Variants in C2orf66 observed in about 807,000 individuals in gnomAD.
C2orf66 encodes uncharacterized protein C2orf66.
C2orf66 carries 6 observed loss-of-function variants against 7.0 expected under a neutral mutation model. The observed-to-expected ratio is 0.86, with a 90% confidence interval of 0.47 to 1.69. The LOEUF is 1.69. C2orf66 is among the 40% of genes most tolerant of loss of function. The pLI, the probability that C2orf66 is intolerant of heterozygous loss-of-function variation, is 0.01. For missense variants in C2orf66, 107 were observed against 112.0 expected (o/e 0.96, Z 0.20); for synonymous variants, 38 against 43.8 (o/e 0.87, Z 0.52).
chr2:196,806,399 G>A lies in C2orf66; in HGVS notation c.*20-991C>T, dbSNP rs57132409. Reference sequence around the variant, plus strand: ...TTTTTAGTAGAGATGGGGTTTCACCGTGTTAGCCAGGACGGTCTCGATTTC... The same window carrying A: ...TTTTTAGTAGAGATGGGGTTTCACCATGTTAGCCAGGACGGTCTCGATTTC... On this transcript the variant is annotated intron_variant, in intron 2 of 2. Transcript: ENST00000342506. 2.7e-3 allele frequency among the ~76,000 whole-genome samples: 407 copies of A among 151,762 alleles called. 3 individuals are homozygous for A. The highest frequency in any genetic ancestry group is 9.3e-3 in the African/African-American group (385 of 41,442).
At chr2:196,823,434 G>A in the C2orf66 span, among the ~76,000 whole-genome samples, 121 of 152,060 alleles carry the variant, frequency 8.0e-4, no homozygotes, top group Non-Finnish European at 7.4e-4. Context: ...ACCAGCTTGG[G>A]CAACATGGCC....
the C2orf66 span, among the ~76,000 whole-genome samples, chr2:196,819,629 G>GCT: frequency 6.6e-6 from 1 of 152,162 alleles, no homozygotes; most frequent in Non-Finnish European, 1.5e-5. Context: ...TTCACAAGGT[G>GCT]CTCTCTTGAA....
At chr2:196,819,955 T>C in the C2orf66 span, among the ~76,000 whole-genome samples, 2 of 152,206 alleles carry the variant, frequency 1.3e-5, no homozygotes, top group African/African-American at 2.4e-5. Context: ...ATCTATCTCT[T>C]GCACACAAAC....
chr2:196,814,336 A>G (rs901478583), upstream of C2orf66, among the ~76,000 whole-genome samples: 2 of 152,106 alleles, frequency 1.3e-5, no homozygotes, highest in Non-Finnish European at 2.9e-5. Flanking sequence ...AAAACCAAAC[A>G]CTGCATGTTC....
the C2orf66 span, among the ~76,000 whole-genome samples, chr2:196,815,228 C>G: frequency 6.6e-6 from 1 of 152,010 alleles, no homozygotes; most frequent in Non-Finnish European, 1.5e-5. Context: ...CTGAGCCTCC[C>G]AAAGTTCTGG....
chr2:196,808,532 G>T (rs1394992434), intron 1 of C2orf66, among the ~76,000 whole-genome samples: 1 of 152,188 alleles, frequency 6.6e-6, no homozygotes, highest in Non-Finnish European at 1.5e-5. Flanking sequence ...GTCTGGACCA[G>T]ATCCTGTTTT....
chr2:196,809,736 TA>T (rs1326633583), upstream of C2orf66: 1 of 164,556 alleles, frequency 6.1e-6, no homozygotes, highest in Admixed American at 6.1e-5. Flanking sequence ...CAGCAGTCTT[TA>T]AAAAAAAGAA....
At chr2:196,816,321 T>A in the C2orf66 span, among the ~76,000 whole-genome samples, 1 of 152,192 alleles carries the variant, frequency 6.6e-6, no homozygotes, top group Non-Finnish European at 1.5e-5. Context: ...TCAAACGACG[T>A]TGGTTAAAAA....
the C2orf66 span, among the ~76,000 whole-genome samples, chr2:196,831,531 G>C: frequency 1.3e-5 from 2 of 152,048 alleles, no homozygotes; most frequent in Non-Finnish European, 2.9e-5. Flanking sequence ...CTCTTGGCCG[G>C]AATACCACTC....
At chr2:196,814,130 T>C (rs373425405), upstream of C2orf66, among the ~76,000 whole-genome samples, 58 of 152,300 alleles carry the variant, frequency 3.8e-4, no homozygotes, top group African/African-American at 1.3e-3. Context: ...CACATATGTC[T>C]ATTGCAGCAC....
chr2:196,812,951 A>C (rs959875312), upstream of C2orf66, among the ~76,000 whole-genome samples: 2 of 152,226 alleles, frequency 1.3e-5, no homozygotes, highest in African/African-American at 2.4e-5. Context: ...AAATGGAAAA[A>C]CATTCCATGC....
At chr2:196,819,869 G>C in the C2orf66 span, among the ~76,000 whole-genome samples, 1 of 152,196 alleles carries the variant, frequency 6.6e-6, no homozygotes. Flanking sequence ...GGAGGGGAGA[G>C]ATAATTGTAG....
chr2:196,806,898 T>A (rs1699826097), intron 2 of C2orf66, among the ~76,000 whole-genome samples: 1 of 152,166 alleles, frequency 6.6e-6, no homozygotes, highest in African/African-American at 2.4e-5. Flanking sequence ...CTTAATAAAT[T>A]TTTAATTTTT....
chr2:196,817,539 G>T, the C2orf66 span, among the ~76,000 whole-genome samples: 7 of 152,020 alleles, frequency 4.6e-5, no homozygotes, highest in African/African-American at 1.7e-4. Context: ...CTGGCCGCAC[G>T]TATTGTCTTG....
chr2:196,822,378 C>T, the C2orf66 span, among the ~76,000 whole-genome samples: 27 of 152,166 alleles, frequency 1.8e-4, no homozygotes, highest in South Asian at 5.0e-3. Flanking sequence ...AATAAGCAAA[C>T]GTTTATACTC....
At chr2:196,828,403 A>T in the C2orf66 span, among the ~76,000 whole-genome samples, 3 of 152,136 alleles carry the variant, frequency 2.0e-5, no homozygotes, top group African/African-American at 7.2e-5. Context: ...AAACTATGGA[A>T]TATTAAGTAT....
At chr2:196,814,535 A>G in the C2orf66 span, among the ~76,000 whole-genome samples, 1 of 152,180 alleles carries the variant, frequency 6.6e-6, no homozygotes, top group Non-Finnish European at 1.5e-5. Context: ...ACAAACCTGC[A>G]TGTTCTGCAC....
the C2orf66 span, among the ~76,000 whole-genome samples, chr2:196,824,850 A>C: frequency 6.6e-6 from 1 of 152,224 alleles, no homozygotes; most frequent in Non-Finnish European, 1.5e-5. Flanking sequence ...GGGAGAATGT[A>C]TTTTCAAACC....
chr2:196,815,540 G>A, the C2orf66 span, among the ~76,000 whole-genome samples: 2 of 152,126 alleles, frequency 1.3e-5, no homozygotes, highest in Non-Finnish European at 2.9e-5. Flanking sequence ...GTGGTAGCAG[G>A]CAAAAAGGTG....
Sources: gnomAD v4.1 joint callset for allele counts (sites outside exome capture counted in the v4.1 genomes callset) on GRCh38, gnomAD v4.1.1 for gene constraint, MANE v1.5 for transcripts, NCBI Gene and HGNC (gene_info 2026-07-23, HGNC 2026-07-21) for gene names.